Variants in PKD2L2 observed in about 807,000 individuals in gnomAD.
PKD2L2 encodes polycystin-2-like protein 2.
PKD2L2 carries 67 observed loss-of-function variants against 83.9 expected under a neutral mutation model. That is an observed-to-expected ratio of 0.80 (90% CI 0.66 to 0.98). The LOEUF (loss-of-function observed/expected upper bound fraction) is 0.98, where lower values mean the gene tolerates loss of function less well. Among genes scored for constraint, PKD2L2 ranks in the 50% least tolerant of loss-of-function variants. PKD2L2 has a pLI of 0.00. For missense variants in PKD2L2, 632 were observed against 717.2 expected (o/e 0.88, Z 1.36); for synonymous variants, 223 against 237.8 (o/e 0.94, Z 0.57).
At chr5:137,893,396 A>G (rs1323951938) in intron 3 of PKD2L2, among the ~76,000 whole-genome samples, 2 of 152,210 alleles carry the variant, frequency 1.3e-5, no homozygotes, top group South Asian at 2.1e-4. Flanking sequence ...ACATAGCAAC[A>G]TGCTCACATT....
At chr5:137,910,165 A>G (rs1259978832) in intron 8 of PKD2L2, among the ~76,000 whole-genome samples, 1 of 151,502 alleles carries the variant, frequency 6.6e-6, no homozygotes, top group Non-Finnish European at 1.5e-5. Flanking sequence ...GTTTGAGGTT[A>G]CAGTGAGCTA....
intron 1 of PKD2L2, 103 bp downstream of exon 1, chr5:137,889,625 T>G (rs1755761398): frequency 1.0e-6 from 1 of 985,200 alleles, no homozygotes; most frequent in Non-Finnish European, 1.4e-6. Context: ...GAGATGTGAC[T>G]GCCGACACCT....
At chr5:137,895,564 A>G (rs990144721) in intron 4 of PKD2L2, among the ~76,000 whole-genome samples, 3 of 151,650 alleles carry the variant, frequency 2.0e-5, no homozygotes, top group South Asian at 4.2e-4. Flanking sequence ...TGCTGGTATC[A>G]GTGCAGTGCA....
At chr5:137,935,977 C>G in intron 13 of PKD2L2, 68 bp downstream of exon 13, 1 of 900,088 alleles carries the variant, frequency 1.1e-6, no homozygotes, top group Non-Finnish European at 1.8e-6. Flanking sequence ...ATGAGTTAAA[C>G]ACATTATTTT....
intron 12 of PKD2L2, among the ~76,000 whole-genome samples, chr5:137,929,312 T>A (rs765203204): frequency 1.3e-5 from 2 of 151,402 alleles, no homozygotes; most frequent in Non-Finnish European, 2.9e-5. Context: ...AAATTAAAAA[T>A]TAGCTGGGCA....
At chr5:137,892,359 A>G (rs1314837509) in intron 2 of PKD2L2, 121 bp from the exon 3 acceptor site, 5 of 444,064 alleles carry the variant, frequency 1.1e-5, no homozygotes, top group African/African-American at 4.1e-5. Flanking sequence ...TTAAATTATT[A>G]CTTTTATAAT....
intron 10 of PKD2L2, among the ~76,000 whole-genome samples, chr5:137,924,542 G>C (rs1477740870): frequency 1.3e-5 from 2 of 152,100 alleles, no homozygotes; most frequent in African/African-American, 4.8e-5. Context: ...CTGCCAGTTT[G>C]GCCATCTCTG....
rs905925149 is a variant in PKD2L2, at chr5:137,925,078, A to T, written c.1590A>T (p.Lys530Asn). 5.6e-6 allele frequency: 9 copies of T among 1,605,588 alleles called. No individual in the cohort carries two copies. The highest frequency in any genetic ancestry group is 1.7e-5 in the Admixed American group (1 of 59,950). Residue 530 changes from lysine (K) to asparagine (N), a missense_variant, in exon 11 of 15, where the codon AAA (lysine) becomes AAT (asparagine). Lys to Asn is a moderately conservative substitution (Grantham distance 94). Coordinates refer to ENST00000508883, the MANE Select transcript of PKD2L2 (RefSeq NM_001300921.2). ...TTCTCGAGAAATTCAGACTGAAGAA[A>T]GCTCAAAAAGATGAAGACAAGAAAA... The part of the protein sequence containing the change: ...KNVLEKFRLK[K>N]AQKDEDKKTK...
chr5:137,924,553 C>T (rs1759211621), intron 10 of PKD2L2, among the ~76,000 whole-genome samples: 1 of 152,186 alleles, frequency 6.6e-6, no homozygotes, highest in African/African-American at 2.4e-5. Context: ...GCCATCTCTG[C>T]ATGCCCCATG....
At position 137,929,534 on chromosome 5, in the gene PKD2L2, C is replaced by CAAAAA. The variant is rs756601170; in HGVS notation, c.1671+3626_1671+3630dup. Among the ~76,000 whole-genome samples the CAAAAA allele has an allele frequency of 4.9e-3, 17 of 3,438 alleles. 4 individuals are homozygous for CAAAAA. Among genetic ancestry groups the CAAAAA allele is most frequent in the South Asian group, 0.014 (1 of 70 alleles). The allele number at this position is 3,438 out of a possible 152,430, so 2.3% of individuals were successfully genotyped here. On this transcript the variant is annotated intron_variant, in intron 12 of 14. Coordinates refer to ENST00000508883, the MANE Select transcript of PKD2L2 (RefSeq NM_001300921.2). ...ATATATTTCTATAGGACAAAATTGC[C>CAAAAA]AAAAAAAAAAAAAAAAAAAAAAAAA...
intron 8 of PKD2L2, among the ~76,000 whole-genome samples, chr5:137,911,008 G>T (rs938883694): frequency 6.6e-6 from 1 of 152,102 alleles, no homozygotes; most frequent in Non-Finnish European, 1.5e-5. Flanking sequence ...ACTTCTAAGT[G>T]TACAGTTCAG....
intron 12 of PKD2L2, among the ~76,000 whole-genome samples, chr5:137,931,885 A>G (rs1387562519): frequency 6.6e-6 from 1 of 152,212 alleles, no homozygotes; most frequent in African/African-American, 2.4e-5. Flanking sequence ...ATTACAATAA[A>G]AAGATAATTA....
At chr5:137,906,487 A>G (rs1378334286) in intron 6 of PKD2L2, 53 bp downstream of exon 6, 13 of 840,974 alleles carry the variant, frequency 1.5e-5, no homozygotes, top group Admixed American at 2.5e-5. Flanking sequence ...GAACCTACCA[A>G]TGAAGGAGGT....
intron 11 of PKD2L2, among the ~76,000 whole-genome samples, chr5:137,925,433 T>G (rs1039747648): frequency 6.6e-6 from 1 of 152,192 alleles, no homozygotes; most frequent in Non-Finnish European, 1.5e-5. Context: ...TAATTTAAAA[T>G]TAATATAATG....
At chr5:137,927,315 G>A (rs970246855) in intron 12 of PKD2L2, among the ~76,000 whole-genome samples, 1 of 152,172 alleles carries the variant, frequency 6.6e-6, no homozygotes, top group Admixed American at 6.5e-5. Flanking sequence ...CCTTGTCAAA[G>A]ACATATAATC....
intron 8 of PKD2L2, among the ~76,000 whole-genome samples, chr5:137,910,016 A>G (rs1332297076): frequency 6.6e-6 from 1 of 152,004 alleles, no homozygotes; most frequent in Non-Finnish European, 1.5e-5. Flanking sequence ...TGAGGCCAGG[A>G]GTTCAAGACC....
At chr5:137,895,950 G>T (rs1231616680) in intron 4 of PKD2L2, among the ~76,000 whole-genome samples, 3 of 151,582 alleles carry the variant, frequency 2.0e-5, no homozygotes, top group African/African-American at 7.3e-5. Context: ...GCCGAGGCGG[G>T]CGGATCACCT....
At chr5:137,925,964 T>C (rs746281521) in intron 12 of PKD2L2, 35 bp downstream of exon 12, 24 of 1,217,090 alleles carry the variant, frequency 2.0e-5, no homozygotes, top group Non-Finnish European at 2.9e-5. Context: ...ACACTAGTGG[T>C]AGCTGTATTA....
At chr5:137,911,523 C>T (rs574397446) in intron 8 of PKD2L2, among the ~76,000 whole-genome samples, 14 of 152,066 alleles carry the variant, frequency 9.2e-5, no homozygotes, top group Non-Finnish European at 2.9e-5. Context: ...ATCTATTTCC[C>T]CCTCCAGACT....
Sources: gnomAD v4.1 joint callset for allele counts (sites outside exome capture counted in the v4.1 genomes callset) on GRCh38, gnomAD v4.1.1 for gene constraint, MANE v1.5 for transcripts, NCBI Gene and HGNC (gene_info 2026-07-23, HGNC 2026-07-21) for gene names.